ABCA13: variants seen among roughly 807,000 people sequenced by gnomAD.
ABCA13 encodes the protein ATP binding cassette subfamily A member 13, also known as ATP-binding cassette sub-family A member 13.
Under a neutral mutation model 478.7 loss-of-function variants are expected in ABCA13, and 476 were observed. The ratio of observed to expected loss-of-function variants is 0.99; its 90% CI spans 0.92 to 1.07. ABCA13 has a LOEUF of 1.07. ABCA13 is among the 50% of genes least tolerant of loss of function. ABCA13 has a pLI of 0.00. For synonymous variants in ABCA13, 2,252 were observed against 2,158.9 expected, an observed-to-expected ratio of 1.04 and a Z score of -1.20; for missense variants, 6,060 against 5,910.6, an observed-to-expected ratio of 1.03 and a Z score of -0.83.
At chr7:48,204,355 G>A (rs1784640231) in intron 3 of ABCA13, among the ~76,000 whole-genome samples, 3 of 151,806 alleles carry the variant, frequency 2.0e-5, no homozygotes, top group African/African-American at 7.3e-5. Flanking sequence ...GACTACAGGC[G>A]GGTGCCACCA....
chr7:48,383,112 A>C (rs1013300651), intron 35 of ABCA13, among the ~76,000 whole-genome samples: 2 of 152,184 alleles, frequency 1.3e-5, no homozygotes, highest in African/African-American at 4.8e-5. Context: ...TTCTCAACAA[A>C]GCATCTCCCA....
intron 20 of ABCA13, among the ~76,000 whole-genome samples, chr7:48,291,767 A>C (rs936106611): frequency 4.6e-5 from 7 of 152,140 alleles, no homozygotes; most frequent in African/African-American, 1.2e-4. Flanking sequence ...TGCGGCTAAC[A>C]TAGACAGCAG....
At chr7:48,440,241 G>A (rs1823398951) in intron 42 of ABCA13, among the ~76,000 whole-genome samples, 2 of 152,034 alleles carry the variant, frequency 1.3e-5, no homozygotes, top group South Asian at 4.1e-4. Flanking sequence ...AACTTTCCCA[G>A]TACTTCAGCA....
At chr7:48,251,085 G>T (rs1792483852) in intron 15 of ABCA13, among the ~76,000 whole-genome samples, 1 of 152,144 alleles carries the variant, frequency 6.6e-6, no homozygotes, top group South Asian at 2.1e-4. Flanking sequence ...ATGGGCCTTT[G>T]CATTTTCTAC....
rs760103796 is a variant in ABCA13, at chr7:48,392,136, A to G, written c.11870A>G (p.Asn3957Ser). 11 of 1,613,466 alleles carry G rather than the reference A, an allele frequency of 6.8e-6. No individual in the cohort carries two copies. The highest frequency in any genetic ancestry group is 7.6e-6 in the Non-Finnish European group (9 of 1,179,794). ...WTKKELHQQV[N>S]QTLQDVDLTQ... is the part of the protein sequence containing the mutation. ...AAGAAGGAGCTGCATCAGCAAGTCA[A>G]TCAGTTAGTAAACAGTTGTCTCTCT... is the stretch of plus-strand genomic sequence containing the variant. The change falls in exon 38 of 62, where the codon AAT (asparagine) becomes AGT (serine). Residue 3957 changes from asparagine to serine, a missense_variant. By Grantham distance (46) the Asn-to-Ser change is conservative. Transcript: ENST00000435803.
At position 48,352,486 on chromosome 7, in the gene ABCA13, C is replaced by T; in HGVS notation, c.10687C>T (p.Leu3563=). The change falls in exon 31 of 62, where the codon CTA becomes TTA. Residue 3563 remains leucine, a splice_region_variant and synonymous_variant. Transcript: ENST00000435803. ...CCCTTACCCCTGCCATACCAGCGAC[C>T]TGTGAGTAGCCTGGGGCAGGAGCCA... The part of the protein sequence containing the change: ...AAPYPCHTSD[L]FLNNVGFFFP... 1.3e-6 allele frequency: 2 copies of T among 1,597,462 alleles called. No individual in the cohort carries two copies. Among genetic ancestry groups the T allele is most frequent in the Non-Finnish European group, 1.7e-6 (2 of 1,169,988 alleles).
At chr7:48,461,215 G>A (rs1392346833) in intron 43 of ABCA13, among the ~76,000 whole-genome samples, 1 of 152,160 alleles carries the variant, frequency 6.6e-6, no homozygotes, top group African/African-American at 2.4e-5. Context: ...GCAGGCTCTT[G>A]GAAGCCTTTT....
intron 6 of ABCA13, among the ~76,000 whole-genome samples, chr7:48,228,643 A>G (rs1186525266): frequency 6.6e-6 from 1 of 152,206 alleles, no homozygotes; most frequent in Non-Finnish European, 1.5e-5. Flanking sequence ...AAACTCCCAC[A>G]TTCTGGTGCG....
At position 48,250,834 on chromosome 7, in the gene ABCA13, C is replaced by T. The variant is rs566462585; in HGVS notation, c.2005+1483C>T. On this transcript the variant is annotated intron_variant, in intron 15 of 61. Transcript: ENST00000435803. The stretch of plus-strand genomic sequence containing the variant: ...ATCTCTCCTTGGGAATTATCTTCTG[C>T]CCTGGTTTTCCAGCATGCCATGACA... Among the ~76,000 whole-genome samples, 19 of 152,216 alleles carry T rather than the reference C, an allele frequency of 1.2e-4. 1 individual carries two copies. The South Asian group carries it at 3.7e-3, about 30-fold the overall frequency.
intron 46 of ABCA13, among the ~76,000 whole-genome samples, chr7:48,482,838 C>T (rs1422016776): frequency 6.6e-6 from 1 of 152,164 alleles, no homozygotes; most frequent in Non-Finnish European, 1.5e-5. Context: ...CTAATGTGGC[C>T]AGCCTTATCC....
intron 58 of ABCA13, among the ~76,000 whole-genome samples, chr7:48,609,301 A>G (rs1791784286): frequency 6.6e-6 from 1 of 152,186 alleles, no homozygotes; most frequent in South Asian, 2.1e-4. Context: ...ATTTGGTTTC[A>G]CATTAAATAT....
intron 27 of ABCA13, among the ~76,000 whole-genome samples, chr7:48,333,031 G>C (rs1165819212): frequency 6.6e-6 from 1 of 152,088 alleles, no homozygotes; most frequent in Non-Finnish European, 1.5e-5. Flanking sequence ...TACTCTTTCA[G>C]TTCCACTCAG....
chr7:48,549,455 C>G lies in ABCA13; in HGVS notation c.14354+21110C>G, dbSNP rs1003713582. The stretch of plus-strand genomic sequence containing the variant: ...GTACATGTACCACATTTTCTTTTTC[C>G]AGTCTATCATTGATGGGCATTTGGG... On this transcript the variant is annotated intron_variant, in intron 55 of 61. Transcript: ENST00000435803. Among the ~76,000 whole-genome samples the G allele has an allele frequency of 1.5e-4, 23 of 151,756 alleles. 2 individuals are homozygous for G. The highest frequency in any genetic ancestry group is 2.5e-4 in the Non-Finnish European group (17 of 67,856).
rs75104586 is a variant in ABCA13, at chr7:48,596,351, G to A, written c.14744+1538G>A. ...ACTTTACACTGTTGTTTTTTTAAAT[G>A]CCATTTTCTGAAGTATAATTTACAT... On this transcript the variant is annotated intron_variant, in intron 58 of 61. Coordinates refer to ENST00000435803, the MANE Select transcript of ABCA13 (RefSeq NM_152701.5). Among the ~76,000 whole-genome samples, 16 of 152,024 alleles carry A rather than the reference G, an allele frequency of 1.1e-4. No homozygotes were observed. In the East Asian group the frequency reaches 3.1e-3, roughly 29 times the overall value.
At chr7:48,461,339 C>T (rs762040726) in intron 43 of ABCA13, among the ~76,000 whole-genome samples, 2 of 152,166 alleles carry the variant, frequency 1.3e-5, no homozygotes, top group Non-Finnish European at 2.9e-5. Flanking sequence ...GGTCATAGAA[C>T]ATCCAAACTC....
At chr7:48,296,034 G>A (rs1799318142) in intron 21 of ABCA13, among the ~76,000 whole-genome samples, 171 bp downstream of exon 21, 1 of 152,112 alleles carries the variant, frequency 6.6e-6, no homozygotes, top group Non-Finnish European at 1.5e-5. Flanking sequence ...TTTTTGAGTG[G>A]TAAAATGTAA....
chr7:48,531,113 T>C (rs866334668), intron 55 of ABCA13, among the ~76,000 whole-genome samples: 7 of 152,210 alleles, frequency 4.6e-5, no homozygotes, highest in Non-Finnish European at 8.8e-5. Flanking sequence ...AGAATCATTA[T>C]GGTTTCAGGT....
chr7:48,633,931 C>CATAGATAGATACATAGATAGATAG (rs1278355855), intron 59 of ABCA13, among the ~76,000 whole-genome samples: 12 of 145,010 alleles, frequency 8.3e-5, no homozygotes, highest in East Asian at 2.1e-4. Context: ...TAGATAGATA[C>CATAGATAGATACATAGATAGATAG]ATAGATAGAT....
chr7:48,294,834 A>AC (rs1426777319), intron 20 of ABCA13, among the ~76,000 whole-genome samples: 1 of 152,186 alleles, frequency 6.6e-6, no homozygotes, highest in African/African-American at 2.4e-5. Flanking sequence ...GACTTACATC[A>AC]CTTAGCATAT....
Sources: gnomAD v4.1 joint callset for allele counts (sites outside exome capture counted in the v4.1 genomes callset) on GRCh38, gnomAD v4.1.1 for gene constraint, MANE v1.5 for transcripts, NCBI Gene and HGNC (gene_info 2026-07-23, HGNC 2026-07-21) for gene names.